FGD5: variants seen among roughly 807,000 people sequenced by gnomAD.
FGD5 encodes the protein FYVE, RhoGEF and PH domain-containing protein 5.
FGD5 carries 28 observed loss-of-function variants against 133.4 expected under a neutral mutation model. The observed-to-expected ratio is 0.21, with a 90% CI of 0.16 to 0.29. FGD5 has a LOEUF of 0.29. Ranked by LOEUF, FGD5 falls within the 10% of genes least tolerant of loss-of-function variation. FGD5 has a pLI of 1.00. For missense variants in FGD5, 1,858 were observed against 1,895.2 expected, an observed-to-expected ratio of 0.98 and a Z score of 0.36; for synonymous variants, 810 against 776.5, an observed-to-expected ratio of 1.04 and a Z score of -0.72.
upstream of FGD5, among the ~76,000 whole-genome samples, chr3:14,818,737 G>A (rs2036420120): frequency 6.6e-6 from 1 of 152,150 alleles, no homozygotes; most frequent in African/African-American, 2.4e-5. Context: ...TAGAAGAAAG[G>A]TCTGTTCACT....
intron 1 of FGD5, among the ~76,000 whole-genome samples, chr3:14,858,434 G>A (rs2037331352): frequency 6.6e-6 from 1 of 151,998 alleles, no homozygotes; most frequent in African/African-American, 2.4e-5. Context: ...TGAGTGGATG[G>A]GTAGGTAGTT....
At chr3:14,886,418 C>T (rs1260974170) in intron 4 of FGD5, among the ~76,000 whole-genome samples, 3 of 152,210 alleles carry the variant, frequency 2.0e-5, no homozygotes, top group Admixed American at 1.3e-4. Context: ...CTTCCCATGG[C>T]GATGGCAGGA....
At chr3:14,918,939 G>T in intron 13 of FGD5, 106 bp downstream of exon 13, 2 of 1,210,348 alleles carry the variant, frequency 1.7e-6, no homozygotes, top group East Asian at 2.4e-5. Context: ...TATCCTTCTG[G>T]GTCAAAGTAT....
intron 1 of FGD5, among the ~76,000 whole-genome samples, chr3:14,854,610 G>A (rs2125097295): frequency 6.6e-6 from 1 of 151,886 alleles, no homozygotes. Flanking sequence ...GGTATGGGAG[G>A]TCTTGCTGTG....
chr3:14,904,944 A>G (rs2038311602), intron 9 of FGD5, among the ~76,000 whole-genome samples: 1 of 152,120 alleles, frequency 6.6e-6, no homozygotes, highest in African/African-American at 2.4e-5. Context: ...ATGAGCCACC[A>G]TGGCTGGCCT....
chr3:14,889,795 TA>T (rs2037990738), intron 4 of FGD5, among the ~76,000 whole-genome samples: 1 of 152,204 alleles, frequency 6.6e-6, no homozygotes, highest in South Asian at 2.1e-4. Flanking sequence ...TGATGATTAA[TA>T]AAACGGAATC....
At chr3:14,851,106 G>A (rs1018721754) in intron 1 of FGD5, among the ~76,000 whole-genome samples, 2 of 152,130 alleles carry the variant, frequency 1.3e-5, no homozygotes, top group African/African-American at 2.4e-5. Context: ...GGTGACAGAG[G>A]TGGGACCAGA....
At chr3:14,831,398 C>T (rs17040340) in intron 1 of FGD5, among the ~76,000 whole-genome samples, 1,921 of 152,240 alleles carry the variant, frequency 0.013, 44 homozygotes, top group African/African-American at 0.043. Flanking sequence ...TTTGCCCTTC[C>T]AAGTGGTTCT....
chr3:14,830,227 T>C (rs1181059460), intron 1 of FGD5, among the ~76,000 whole-genome samples: 1 of 152,282 alleles, frequency 6.6e-6, no homozygotes, highest in African/African-American at 2.4e-5. Flanking sequence ...AAAATTATTA[T>C]AATCTCAAAA....
intron 1 of FGD5, among the ~76,000 whole-genome samples, chr3:14,854,921 T>C (rs2037248221): frequency 6.6e-6 from 1 of 152,196 alleles, no homozygotes; most frequent in Non-Finnish European, 1.5e-5. Flanking sequence ...TTGATAACTG[T>C]AGTCCTCCTA....
At chr3:14,829,999 G>A (rs1222392279) in intron 1 of FGD5, among the ~76,000 whole-genome samples, 2 of 152,216 alleles carry the variant, frequency 1.3e-5, no homozygotes, top group Non-Finnish European at 2.9e-5. Context: ...TCAATGCTCG[G>A]TGGGAATGTG....
At chr3:14,929,819 T>C (rs566218888) in intron 18 of FGD5, among the ~76,000 whole-genome samples, 5 of 152,236 alleles carry the variant, frequency 3.3e-5, no homozygotes, top group Non-Finnish European at 7.3e-5. Flanking sequence ...CATTTTCTAA[T>C]GAATGAATGA....
At chr3:14,894,857 T>C (rs561204165) in intron 4 of FGD5, among the ~76,000 whole-genome samples, 1 of 152,244 alleles carries the variant, frequency 6.6e-6, no homozygotes, top group South Asian at 2.1e-4. Flanking sequence ...TTTCTCTGCA[T>C]CTTTGCCAAC....
chr3:14,907,640 G>A lies in FGD5; in HGVS notation c.3265G>A (p.Glu1089Lys), dbSNP rs1345146757. 6.2e-7 allele frequency: 1 copy of A among 1,613,456 alleles called. No homozygotes were observed. The highest frequency in any genetic ancestry group is 2.2e-5 in the East Asian group (1 of 44,848). Residue 1089 changes from glutamate (E) to lysine (K), a missense_variant and splice_region_variant, in exon 10 of 20, where the codon GAA becomes AAA. Coordinates refer to ENST00000285046, the MANE Select transcript of FGD5 (RefSeq NM_152536.4). ...DRANDSMEQG[E>K]NLQKLVHIEH... Reference sequence around the variant, plus strand: ...TCCCTCACCCCATTCCCACCCACAGGAAAACCTGCAGAAGCTGGTCCACAT... The same window carrying A: ...TCCCTCACCCCATTCCCACCCACAGAAAAACCTGCAGAAGCTGGTCCACAT...
intron 1 of FGD5, among the ~76,000 whole-genome samples, chr3:14,850,719 G>A (rs537132244): frequency 2.4e-4 from 36 of 152,108 alleles, no homozygotes; most frequent in Non-Finnish European, 4.9e-4. Context: ...AACTGCAACG[G>A]GAGCCCCTCC....
chr3:14,930,147 A>G (rs1407913753), intron 18 of FGD5, among the ~76,000 whole-genome samples: 1 of 152,146 alleles, frequency 6.6e-6, no homozygotes, highest in Non-Finnish European at 1.5e-5. Context: ...TTAAGTCTCA[A>G]ATGATTGAAT....
At chr3:14,912,669 C>T (rs907478504) in intron 11 of FGD5, among the ~76,000 whole-genome samples, 1 of 152,174 alleles carries the variant, frequency 6.6e-6, no homozygotes, top group Admixed American at 6.5e-5. Flanking sequence ...GTAGACATGG[C>T]CTTTGCCCTG....
intron 1 of FGD5, among the ~76,000 whole-genome samples, chr3:14,861,630 G>T (rs1446984788): frequency 6.6e-6 from 1 of 152,128 alleles, no homozygotes; most frequent in Non-Finnish European, 1.5e-5. Flanking sequence ...TGGCTTCCGT[G>T]AGCCCTCTCC....
chr3:14,819,365 G>A lies in FGD5; in HGVS notation c.294G>A (p.Glu98=). Residue 98 remains glutamate, a synonymous_variant, in exon 1 of 20, where the codon GAG becomes GAA. Transcript: ENST00000285046. The surrounding 1 kb of genome is among the most constrained non-coding windows in gnomAD (Gnocchi z 4.1). ...ALVSPESSAE[E]EEEREEGGEA... is the part of the protein sequence containing the mutation. ...TGTCTCCCGAGTCCTCTGCGGAAGA[G>A]GAAGAGGAGCGTGAAGAGGGAGGCG... is the stretch of plus-strand genomic sequence containing the variant. 1 of 1,549,384 alleles carries A rather than the reference G, an allele frequency of 6.5e-7. No individual in the cohort carries two copies. The highest frequency in any genetic ancestry group is 8.7e-7 in the Non-Finnish European group (1 of 1,145,816).
Sources: gnomAD v4.1 joint callset for allele counts (sites outside exome capture counted in the v4.1 genomes callset) on GRCh38, gnomAD v4.1.1 for gene constraint, Gnocchi (gnomAD v3.1) non-coding constraint, MANE v1.5 for transcripts, NCBI Gene and HGNC (gene_info 2026-07-23, HGNC 2026-07-21) for gene names.